The following UTS2 variants were observed in gnomAD, a reference collection of about 807,000 sequenced individuals.
UTS2 encodes urotensin 2.
Under a neutral mutation model 12.6 loss-of-function variants are expected in UTS2, and 10 were observed. The ratio of observed to expected loss-of-function variants is 0.80; its 90% confidence interval spans 0.49 to 1.35. UTS2 has a LOEUF of 1.35. Ranked by LOEUF, UTS2 falls within the 40% of genes most tolerant of loss-of-function variation. The pLI is 0.00. For missense variants in UTS2, 142 were observed against 143.2 expected (o/e 0.99, Z 0.04); for synonymous variants, 52 against 50.0 (o/e 1.04, Z -0.17).
chr1:7,865,555 T>A, the UTS2 span, among the ~76,000 whole-genome samples: 5 of 151,950 alleles, frequency 3.3e-5, 1 homozygote, highest in Non-Finnish European at 5.9e-5. Context: ...GTGTCCTAAT[T>A]GCTTCTTCTC....
At chr1:7,907,146 C>A in the UTS2 span, among the ~76,000 whole-genome samples, 1 of 152,110 alleles carries the variant, frequency 6.6e-6, no homozygotes, top group Non-Finnish European at 1.5e-5. Context: ...ATCCCCGCTA[C>A]TTCAGAGGCT....
chr1:7,909,664 A>G, the UTS2 span, among the ~76,000 whole-genome samples: 1 of 151,830 alleles, frequency 6.6e-6, no homozygotes, highest in Non-Finnish European at 1.5e-5. Context: ...TCTGTCACCC[A>G]GGCTGGAGTG....
chr1:7,909,763 G>T, the UTS2 span, among the ~76,000 whole-genome samples: 1 of 151,914 alleles, frequency 6.6e-6, no homozygotes, highest in African/African-American at 2.4e-5. Context: ...TGGGACTACA[G>T]GCGCCCACCA....
chr1:7,897,569 T>C, the UTS2 span, among the ~76,000 whole-genome samples: 2 of 152,290 alleles, frequency 1.3e-5, no homozygotes, highest in African/African-American at 2.4e-5. Flanking sequence ...TCTTCTTTAA[T>C]GTCTTTCATT....
chr1:7,907,435 CAAG>C, the UTS2 span, among the ~76,000 whole-genome samples: 2 of 151,600 alleles, frequency 1.3e-5, no homozygotes, highest in Non-Finnish European at 2.9e-5. Flanking sequence ...TTTCTGAACA[CAAG>C]GAGTTTGAGA....
the UTS2 span, among the ~76,000 whole-genome samples, chr1:7,869,013 T>G: frequency 6.6e-6 from 1 of 152,258 alleles, no homozygotes; most frequent in East Asian, 1.9e-4. Context: ...CTGTGAGAAA[T>G]GAATGTCTGT....
the UTS2 span, among the ~76,000 whole-genome samples, chr1:7,876,635 A>G: frequency 6.6e-6 from 1 of 152,132 alleles, no homozygotes; most frequent in Non-Finnish European, 1.5e-5. Flanking sequence ...AAGGACTGGC[A>G]CACCTGACTT....
At chr1:7,866,189 G>A in the UTS2 span, among the ~76,000 whole-genome samples, 8 of 152,238 alleles carry the variant, frequency 5.3e-5, no homozygotes, top group East Asian at 5.8e-4. The surrounding 1 kb of genome is among the most constrained non-coding windows in gnomAD (Gnocchi z 4.5). Context: ...GCCCGGGGTC[G>A]CTCGTGTGGC....
chr1:7,857,143 G>GGAAGGAAGGAAGGAAGGAAC (rs766960072), upstream of UTS2, among the ~76,000 whole-genome samples: 902 of 151,616 alleles, frequency 5.9e-3, 12 homozygotes, highest in Non-Finnish European at 8.5e-3. Flanking sequence ...AAGGAAGGAA[G>GGAAGGAAGGAAGGAAGGAAC]GTGAAGCATG....
At chr1:7,884,424 C>A in the UTS2 span, among the ~76,000 whole-genome samples, 2 of 151,760 alleles carry the variant, frequency 1.3e-5, no homozygotes, top group Non-Finnish European at 2.9e-5. Context: ...GCCTCAGCCT[C>A]CTGAGTAGCT....
upstream of UTS2, among the ~76,000 whole-genome samples, chr1:7,855,991 T>A (rs11582935): frequency 3.3e-5 from 5 of 151,982 alleles, no homozygotes; most frequent in Admixed American, 1.3e-4. Flanking sequence ...CAAACCACCA[T>A]GCATGGCTTT....
At chr1:7,878,176 C>T in the UTS2 span, among the ~76,000 whole-genome samples, 1 of 152,176 alleles carries the variant, frequency 6.6e-6, no homozygotes, top group African/African-American at 2.4e-5. Context: ...ATACTATACC[C>T]AGGAAAGCTA....
At chr1:7,908,172 A>G in the UTS2 span, among the ~76,000 whole-genome samples, 1 of 151,850 alleles carries the variant, frequency 6.6e-6, no homozygotes, top group Non-Finnish European at 1.5e-5. Context: ...GGTGGTATGC[A>G]CCTGTAATCC....
chr1:7,906,293 C>T, the UTS2 span, among the ~76,000 whole-genome samples: 1 of 150,176 alleles, frequency 6.7e-6, no homozygotes, highest in Non-Finnish European at 1.5e-5. Context: ...GCTGGTTTCA[C>T]TTGCATTTGA....
At chr1:7,899,517 T>C in the UTS2 span, among the ~76,000 whole-genome samples, 34 of 152,308 alleles carry the variant, frequency 2.2e-4, no homozygotes, top group African/African-American at 6.0e-4. Context: ...TAGTCCTTTT[T>C]ATTTTTTGAG....
At chr1:7,883,788 G>A in the UTS2 span, among the ~76,000 whole-genome samples, 6 of 151,968 alleles carry the variant, frequency 3.9e-5, 1 homozygote, top group South Asian at 1.0e-3. Flanking sequence ...CCAGCAAAAA[G>A]ATTATGACTT....
At chr1:7,885,333 C>T in the UTS2 span, among the ~76,000 whole-genome samples, 17,252 of 152,230 alleles carry the variant, frequency 0.11, 2,895 homozygotes, top group African/African-American at 0.36. Flanking sequence ...AGGTACTTTG[C>T]TAACCAACAT....
the UTS2 span, among the ~76,000 whole-genome samples, chr1:7,902,192 C>A: frequency 0.068 from 3 of 44 alleles, no homozygotes; most frequent in African/African-American, 0.25. Flanking sequence ...TCCAGGCTAT[C>A]TCTGCCCCCG....
the UTS2 span, among the ~76,000 whole-genome samples, chr1:7,900,891 C>T: frequency 2.0e-5 from 3 of 152,082 alleles, no homozygotes; most frequent in Non-Finnish European, 4.4e-5. Context: ...GAAGATAAAC[C>T]ACTTTCTTCT....
Sources: allele counts gnomAD v4.1 joint callset (sites outside exome capture counted in the v4.1 genomes callset), GRCh38; gene constraint gnomAD v4.1.1; non-coding constraint Gnocchi (gnomAD v3.1); transcripts MANE v1.5; gene names NCBI Gene and HGNC (gene_info 2026-07-23, HGNC 2026-07-21).